PCDHA6: variants seen among roughly 807,000 people sequenced by gnomAD.
PCDHA6 encodes the protein protocadherin alpha-6.
Under a neutral mutation model 60.3 loss-of-function variants are expected in PCDHA6, and 55 were observed. The ratio of observed to expected loss-of-function variants is 0.91; its 90% CI spans 0.73 to 1.14. The LOEUF (loss-of-function observed/expected upper bound fraction) is 1.14. PCDHA6 is among the 50% of genes most tolerant of loss of function. The pLI is 0.00. For synonymous variants in PCDHA6, 652 were observed against 557.9 expected (o/e 1.17, Z -2.38); for missense variants, 1,327 against 1,256.5 (o/e 1.06, Z -0.85).
intron 1 of PCDHA6, chr5:140,866,593 A>T (rs527619239): frequency 4.0e-4 from 61 of 152,276 alleles, no homozygotes; most frequent in African/African-American, 1.4e-3. Context: ...ATGTAATTCT[A>T]ATCTGTTGGT....
intron 1 of PCDHA6, 149 bp from the exon 2 acceptor site, chr5:140,978,800 T>C: frequency 6.8e-7 from 1 of 1,480,668 alleles, no homozygotes; most frequent in South Asian, 1.4e-5. Flanking sequence ...TATATGTAGA[T>C]ATCATCATAG....
intron 1 of PCDHA6, among the ~76,000 whole-genome samples, chr5:140,937,959 T>C (rs1344033743): frequency 5.3e-5 from 8 of 152,142 alleles, no homozygotes; most frequent in African/African-American, 1.9e-4. Context: ...TTGTTGAAAG[T>C]ATATAGAAAT....
rs149265547 is a variant in PCDHA6 at position 140,927,771 on chromosome 5, G to T, written c.2395-51178G>T. On this transcript the variant is annotated intron_variant, in intron 1 of 3. Coordinates refer to ENST00000529310, the MANE Select transcript of PCDHA6 (RefSeq NM_018909.4). Reference sequence around the variant, plus strand: ...ACGTGCACCCTAAAAGTGGGGAGGTGCAAGTAGCTGCTTCACTAGGTCCGC... The same window carrying T: ...ACGTGCACCCTAAAAGTGGGGAGGTTCAAGTAGCTGCTTCACTAGGTCCGC... The T allele has an allele frequency of 4.2e-4, 677 of 1,614,210 alleles. 4 individuals carry two copies. In the African/African-American group the frequency reaches 7.5e-3, roughly 18 times the overall value.
chr5:140,852,375 T>A lies in PCDHA6; in HGVS notation c.2394+21890T>A, dbSNP rs2042313801. ...TCACTGCAACGTCTGCCTCCTGGGTTCAAGCAATTCTCCTGCCTCAGCCTC... is the reference window on the plus strand; with the variant it reads ...TCACTGCAACGTCTGCCTCCTGGGTACAAGCAATTCTCCTGCCTCAGCCTC... On this transcript the variant is annotated intron_variant, in intron 1 of 3. Transcript: ENST00000529310. 1.0e-5 allele frequency: 2 copies of A among 192,516 alleles called. 1 individual carries two copies. The highest frequency in any genetic ancestry group is 1.3e-4 in the Admixed American group (2 of 14,898). The allele number at this position is 192,516 out of a possible 1,614,324, so 11.9% of individuals were successfully genotyped here. A position where few individuals can be genotyped will look rare whatever the true frequency, so the allele number is the denominator to read the frequency against.
intron 1 of PCDHA6, among the ~76,000 whole-genome samples, chr5:140,970,926 G>A (rs1179837731): frequency 6.6e-6 from 1 of 152,154 alleles, no homozygotes; most frequent in Non-Finnish European, 1.5e-5. Flanking sequence ...AGAAGTGCCT[G>A]GTGTTAGTCA....
chr5:140,877,014 C>A lies in PCDHA6; in HGVS notation c.2394+46529C>A, dbSNP rs559122507. On this transcript the variant is annotated intron_variant, in intron 1 of 3. Coordinates refer to ENST00000529310, the MANE Select transcript of PCDHA6 (RefSeq NM_018909.4). ...GCTACGTGTCGGTGCACGCGGAGAG[C>A]GGCAAGGTGTACGCGCTGCAGCCGC... is the stretch of plus-strand genomic sequence containing the variant. 5 of 1,612,440 alleles carry A rather than the reference C, an allele frequency of 3.1e-6. No homozygotes were observed. In the African/African-American group the frequency reaches 4.0e-5, roughly 13 times the overall value.
At chr5:140,928,986 C>G (rs2085702741) in intron 1 of PCDHA6, 1 of 1,613,874 alleles carries the variant, frequency 6.2e-7, no homozygotes, top group East Asian at 2.2e-5. Flanking sequence ...TTCTGGGGTG[C>G]TTACTTTTCT....
chr5:140,974,744 T>A (rs966437450), intron 1 of PCDHA6, among the ~76,000 whole-genome samples: 11 of 152,144 alleles, frequency 7.2e-5, no homozygotes, highest in African/African-American at 2.4e-4. Context: ...CACCTTGGCC[T>A]CCCAAAGTGC....
intron 1 of PCDHA6, among the ~76,000 whole-genome samples, chr5:140,901,260 T>C (rs1554189701): frequency 6.6e-6 from 1 of 152,308 alleles, no homozygotes; most frequent in East Asian, 1.9e-4. Flanking sequence ...CCTGTGATTG[T>C]GGGGTATTAC....
chr5:141,001,670 C>T (rs1554258276), intron 3 of PCDHA6, among the ~76,000 whole-genome samples: 1 of 151,900 alleles, frequency 6.6e-6, no homozygotes, highest in African/African-American at 2.4e-5. Flanking sequence ...CTTGTCCAGT[C>T]GGTCCAACAA....
intron 1 of PCDHA6, chr5:140,883,262 G>A (rs1211665444): frequency 6.2e-7 from 1 of 1,613,838 alleles, no homozygotes; most frequent in Non-Finnish European, 8.5e-7. Context: ...TCCAATGGCG[G>A]GTCATTGTAC....
chr5:140,841,339 A>T, intron 1 of PCDHA6: 1 of 1,610,480 alleles, frequency 6.2e-7, no homozygotes, highest in Non-Finnish European at 8.5e-7. Flanking sequence ...ATCACTGGCG[A>T]GGAGAGCTGG....
chr5:140,838,073 ATATAGTGT>A (rs1457215249), intron 1 of PCDHA6, among the ~76,000 whole-genome samples: 9 of 126,836 alleles, frequency 7.1e-5, no homozygotes, highest in Admixed American at 1.7e-4. Context: ...AGTTATATAT[ATATAGTGT>A]GTGTGTGTGT....
intron 1 of PCDHA6, among the ~76,000 whole-genome samples, chr5:140,957,554 G>A (rs1291687434): frequency 6.6e-6 from 1 of 152,074 alleles, no homozygotes; most frequent in African/African-American, 2.4e-5. Flanking sequence ...ATTCTCTGTG[G>A]AAAAGGAGGG....
At chr5:140,952,338 CAA>C (rs55931446) in intron 1 of PCDHA6, among the ~76,000 whole-genome samples, 119 of 135,000 alleles carry the variant, frequency 8.8e-4, no homozygotes, top group Admixed American at 1.8e-3. Flanking sequence ...AACTCCATCT[CAA>C]AAAAAAAAAA....
intron 3 of PCDHA6, among the ~76,000 whole-genome samples, chr5:141,003,476 C>G (rs555987176): frequency 1.3e-3 from 191 of 152,130 alleles, no homozygotes; most frequent in African/African-American, 4.3e-3. Context: ...CACAGTCTCG[C>G]TAATTTTTAT....
intron 3 of PCDHA6, among the ~76,000 whole-genome samples, chr5:141,001,535 G>A (rs2098024806): frequency 6.6e-6 from 1 of 152,182 alleles, no homozygotes; most frequent in South Asian, 2.1e-4. Flanking sequence ...TCTGATCCTG[G>A]ACAGGATTTG....
chr5:140,840,878 T>A (rs1554137939), intron 1 of PCDHA6, among the ~76,000 whole-genome samples: 1 of 152,022 alleles, frequency 6.6e-6, no homozygotes, highest in African/African-American at 2.4e-5. Flanking sequence ...ACAGTTTACA[T>A]TTCTGATATC....
intron 1 of PCDHA6, chr5:140,867,950 C>G (rs2050209580): frequency 1.3e-5 from 2 of 152,002 alleles, no homozygotes; most frequent in Non-Finnish European, 2.9e-5. Context: ...ACTTCTGCTC[C>G]CAAACCCAAA....
Sources: allele counts gnomAD v4.1 joint callset (sites outside exome capture counted in the v4.1 genomes callset), GRCh38; gene constraint gnomAD v4.1.1; transcripts MANE v1.5; gene names NCBI Gene and HGNC (gene_info 2026-07-23, HGNC 2026-07-21).